DAB1: variants seen among roughly 807,000 people sequenced by gnomAD.
DAB1 encodes DAB adaptor protein 1, also known as disabled homolog 1.
DAB1 carries 15 observed loss-of-function variants against 64.6 expected under a neutral mutation model. The observed-to-expected ratio is 0.23, with a 90% confidence interval of 0.16 to 0.36. DAB1 has a LOEUF of 0.36. DAB1 is among the 10% of genes least tolerant of loss of function. The pLI is 1.00. For missense variants in DAB1, 596 were observed against 706.7 expected (o/e 0.84, Z 1.78); for synonymous variants, 235 against 251.9 (o/e 0.93, Z 0.64).
At chr1:58,111,400 A>G (rs1048785705) in intron 5 of DAB1, among the ~76,000 whole-genome samples, 5 of 152,258 alleles carry the variant, frequency 3.3e-5, no homozygotes, top group Non-Finnish European at 7.3e-5. Flanking sequence ...GAAAAGCCAC[A>G]TTAAAGCTAA....
chr1:58,189,520 G>A lies in DAB1; in HGVS notation n.310-38932C>T, dbSNP rs76754962. ...ATTTAGGGTTTAACCAGACACCTCCGATGTGCCACTCAAGATGCACTTAGC... is the reference window on the plus strand; with the variant it reads ...ATTTAGGGTTTAACCAGACACCTCCAATGTGCCACTCAAGATGCACTTAGC... On this transcript the variant is annotated intron_variant and non_coding_transcript_variant, in intron 4 of 20. Transcript: ENST00000485760. 3.5e-4 allele frequency among the ~76,000 whole-genome samples: 53 copies of A among 152,210 alleles called. No individual in the cohort carries two copies. In the East Asian group the frequency reaches 9.1e-3, roughly 26 times the overall value.
intron 3 of DAB1, among the ~76,000 whole-genome samples, chr1:58,463,105 T>G (rs1645259967): frequency 6.6e-6 from 1 of 152,232 alleles, no homozygotes; most frequent in Non-Finnish European, 1.5e-5. Context: ...GAAACAAGTC[T>G]AAGAACAGTG....
At chr1:57,606,995 C>T (rs1645662765) in intron 7 of DAB1, among the ~76,000 whole-genome samples, 1 of 151,596 alleles carries the variant, frequency 6.6e-6, no homozygotes, top group African/African-American at 2.4e-5. Context: ...CCATTTTGGC[C>T]AGGCTGGTCT....
At chr1:57,462,238 T>C (rs115938981) in intron 7 of DAB1, among the ~76,000 whole-genome samples, 6,396 of 152,168 alleles carry the variant, frequency 0.042, 212 homozygotes, top group East Asian at 0.17. Flanking sequence ...CGTGAGCCAC[T>C]GCACCGGCCA....
chr1:57,637,026 C>T (rs980725145), intron 7 of DAB1, among the ~76,000 whole-genome samples: 3 of 152,106 alleles, frequency 2.0e-5, no homozygotes, highest in African/African-American at 7.2e-5. Context: ...GGGGTCTTTG[C>T]GTATTCTTCA....
chr1:57,071,140 A>G (rs1343199872), intron 6 of DAB1, 79 bp from the exon 7 acceptor site: 1 of 1,345,650 alleles, frequency 7.4e-7, no homozygotes, highest in East Asian at 2.3e-5. Flanking sequence ...CAGAAATTAC[A>G]GGACAGTAAA....
At chr1:57,099,498 G>A (rs575531715) in intron 4 of DAB1, among the ~76,000 whole-genome samples, 4 of 152,168 alleles carry the variant, frequency 2.6e-5, no homozygotes, top group Non-Finnish European at 5.9e-5. Context: ...GTGTAAGCTA[G>A]GTAATATAGC....
At position 57,494,077 on chromosome 1, in the gene DAB1, A is replaced by G. The variant is rs2805877; in HGVS notation, n.625+155515T>C. 8.0e-3 allele frequency among the ~76,000 whole-genome samples: 1,213 copies of G among 152,228 alleles called. 19 individuals carry two copies. The highest frequency in any genetic ancestry group is 0.024 in the African/African-American group (1,006 of 41,532). On this transcript the variant is annotated intron_variant and non_coding_transcript_variant, in intron 7 of 20. Coordinates refer to the DAB1 transcript ENST00000485760. Reference sequence around the variant, plus strand: ...AATGTCAGTATACTCTGTGAACTCTAAAGAACTATATAAACTATAGATTTC... The same window carrying G: ...AATGTCAGTATACTCTGTGAACTCTGAAGAACTATATAAACTATAGATTTC...
chr1:58,089,161 G>A (rs1039507636), intron 5 of DAB1, among the ~76,000 whole-genome samples: 6 of 152,158 alleles, frequency 3.9e-5, no homozygotes, highest in Admixed American at 3.3e-4. Context: ...ACACTGTCTC[G>A]AAGTTTAACA....
At chr1:58,003,309 G>A (rs1011581542) in intron 5 of DAB1, among the ~76,000 whole-genome samples, 6 of 152,130 alleles carry the variant, frequency 3.9e-5, no homozygotes, top group African/African-American at 1.4e-4. Flanking sequence ...GAAGAAACCC[G>A]ATTTTGATGG....
intron 2 of DAB1, among the ~76,000 whole-genome samples, chr1:57,181,304 G>A (rs1662905487): frequency 1.3e-5 from 2 of 152,156 alleles, no homozygotes; most frequent in African/African-American, 4.8e-5. Context: ...TGAGGCCTCG[G>A]ACTTGACGGT....
At chr1:57,938,446 C>T (rs10157600) in intron 5 of DAB1, among the ~76,000 whole-genome samples, 61,254 of 151,812 alleles carry the variant, frequency 0.4, 13,508 homozygotes, top group Admixed American at 0.51. Context: ...GGGGGCAGTT[C>T]CCCCCATGCT....
intron 4 of DAB1, among the ~76,000 whole-genome samples, chr1:58,245,875 C>T (rs1345405859): frequency 6.6e-6 from 1 of 152,076 alleles, no homozygotes; most frequent in Non-Finnish European, 1.5e-5. Context: ...ATTCCATAGT[C>T]GTTGGGCACA....
intron 3 of DAB1, among the ~76,000 whole-genome samples, chr1:58,497,375 T>C (rs1645821446): frequency 6.6e-6 from 1 of 152,182 alleles, no homozygotes; most frequent in South Asian, 2.1e-4. Context: ...GTAGACAGAA[T>C]ATTTAATTTT....
intron 1 of DAB1, among the ~76,000 whole-genome samples, chr1:57,378,090 G>A (rs1681054582): frequency 6.6e-6 from 1 of 152,204 alleles, no homozygotes; most frequent in Admixed American, 6.5e-5. Flanking sequence ...AGAGGGCAGG[G>A]ATGCTAATGG....
chr1:58,212,545 C>A (rs1658611907), intron 4 of DAB1, among the ~76,000 whole-genome samples: 1 of 152,166 alleles, frequency 6.6e-6, no homozygotes, highest in Admixed American at 6.5e-5. Context: ...TTGCACAAAT[C>A]TTCCCACCAT....
intron 7 of DAB1, among the ~76,000 whole-genome samples, chr1:57,636,901 G>C (rs1357430408): frequency 6.6e-6 from 1 of 152,140 alleles, no homozygotes; most frequent in Non-Finnish European, 1.5e-5. Flanking sequence ...AATATGGATG[G>C]ATAATATAAA....
At chr1:57,692,062 G>A (rs1646770924) in intron 6 of DAB1, among the ~76,000 whole-genome samples, 1 of 152,158 alleles carries the variant, frequency 6.6e-6, no homozygotes, top group Admixed American at 6.5e-5. Flanking sequence ...TTGACAGAGA[G>A]GAAAGCCATT....
At chr1:58,455,387 G>T (rs1437351439) in intron 3 of DAB1, among the ~76,000 whole-genome samples, 1 of 152,240 alleles carries the variant, frequency 6.6e-6, no homozygotes, top group Non-Finnish European at 1.5e-5. Context: ...CCCTAGGATT[G>T]CAGGCCCACC....
Sources: gnomAD v4.1 joint callset for allele counts (sites outside exome capture counted in the v4.1 genomes callset) on GRCh38, gnomAD v4.1.1 for gene constraint, MANE v1.5 for transcripts, NCBI Gene and HGNC (gene_info 2026-07-23, HGNC 2026-07-21) for gene names.